Variants in PKIG observed in about 807,000 individuals in gnomAD.
PKIG encodes the protein cAMP-dependent protein kinase inhibitor gamma.
A neutral mutation model predicts 6.8 loss-of-function variants in PKIG; 1 was observed. The ratio of observed to expected loss-of-function variants is 0.15; its 90% confidence interval spans 0.05 to 0.69. The LOEUF (loss-of-function observed/expected upper bound fraction) is 0.69. Ranked by LOEUF, PKIG falls within the 30% of genes least tolerant of loss-of-function variation. PKIG has a pLI of 0.82. For synonymous variants in PKIG, 39 were observed against 43.0 expected (o/e 0.91, Z 0.36); for missense variants, 77 against 104.0 (o/e 0.74, Z 1.13).
chr20:44,575,354 G>A (rs1219105284), intron 1 of PKIG, among the ~76,000 whole-genome samples: 2 of 152,186 alleles, frequency 1.3e-5, no homozygotes, highest in Non-Finnish European at 2.9e-5. Flanking sequence ...GAGTAGCTGA[G>A]ATTACAGGCA....
upstream of PKIG, among the ~76,000 whole-genome samples, chr20:44,580,521 G>T (rs6031661): frequency 0.07 from 10,625 of 151,726 alleles, 406 homozygotes; most frequent in South Asian, 0.15. Flanking sequence ...AATTTTTTTT[G>T]TATTTTAGTA....
At chr20:44,570,272 G>A (rs1031601833) in intron 1 of PKIG, among the ~76,000 whole-genome samples, 1 of 152,108 alleles carries the variant, frequency 6.6e-6, no homozygotes, top group Non-Finnish European at 1.5e-5. Context: ...TGGCTAACTG[G>A]TGACTTGCCT....
chr20:44,597,386 T>A (rs2065084034), intron 2 of PKIG, among the ~76,000 whole-genome samples: 1 of 152,188 alleles, frequency 6.6e-6, no homozygotes. Context: ...GCTCCCTAAC[T>A]AGACCATGGA....
rs149854593 is a variant in PKIG, at chr20:44,547,560, C to T, written c.-241+15582C>T. 3.9e-4 allele frequency among the ~76,000 whole-genome samples: 59 copies of T among 152,240 alleles called. 2 individuals carry two copies. The South Asian group carries it at 4.8e-3, about 12-fold the overall frequency. On this transcript the variant is annotated intron_variant, in intron 1 of 4. Coordinates refer to the PKIG transcript ENST00000372887. ...AGTTGACATAGGAAAGTGGGAAGAACAATGCCTCACACATGGTGAGTACAG... is the reference window on the plus strand; with the variant it reads ...AGTTGACATAGGAAAGTGGGAAGAATAATGCCTCACACATGGTGAGTACAG...
chr20:44,543,683 T>TG (rs2064583215), intron 1 of PKIG, among the ~76,000 whole-genome samples: 2 of 152,216 alleles, frequency 1.3e-5, no homozygotes, highest in Non-Finnish European at 2.9e-5. Flanking sequence ...ATTGGCTTCT[T>TG]CCTCAGGCTA....
At chr20:44,570,435 G>A (rs140538926) in intron 1 of PKIG, among the ~76,000 whole-genome samples, 36 of 152,268 alleles carry the variant, frequency 2.4e-4, no homozygotes, top group African/African-American at 7.2e-4. Context: ...TTAAACTTTT[G>A]TATCATCCTG....
intron 1 of PKIG, among the ~76,000 whole-genome samples, chr20:44,569,089 C>T (rs1238798095): frequency 6.6e-6 from 1 of 152,200 alleles, no homozygotes; most frequent in Non-Finnish European, 1.5e-5. Context: ...AGAGAGGTCC[C>T]ATGTCCCCCC....
At chr20:44,602,405 T>G (rs1197370530) in intron 2 of PKIG, among the ~76,000 whole-genome samples, 1 of 152,248 alleles carries the variant, frequency 6.6e-6, no homozygotes, top group Admixed American at 6.5e-5. Flanking sequence ...ATTCATTTAC[T>G]TGTGCAGTGC....
chr20:44,549,409 A>T (rs1376786886), intron 1 of PKIG, among the ~76,000 whole-genome samples: 1 of 151,940 alleles, frequency 6.6e-6, no homozygotes, highest in Non-Finnish European at 1.5e-5. Flanking sequence ...TTTTTTCTGG[A>T]TTATTTTTCT....
intron 1 of PKIG, among the ~76,000 whole-genome samples, chr20:44,583,956 TGAA>T (rs1319421362): frequency 2.0e-5 from 3 of 152,084 alleles, no homozygotes; most frequent in African/African-American, 7.2e-5. Flanking sequence ...TAGGTGTTCT[TGAA>T]GAAAGAGAAA....
At chr20:44,617,058 A>G (rs1007188946) in intron 3 of PKIG, among the ~76,000 whole-genome samples, 1 of 152,218 alleles carries the variant, frequency 6.6e-6, no homozygotes, top group African/African-American at 2.4e-5. Context: ...CAGGCAAATC[A>G]GCTCACCTCG....
intron 1 of PKIG, among the ~76,000 whole-genome samples, chr20:44,547,874 C>T (rs1012642845): frequency 2.6e-5 from 4 of 151,842 alleles, no homozygotes; most frequent in African/African-American, 9.7e-5. Context: ...TAATGGAGAA[C>T]CCTGTTCTCC....
At position 44,614,574 on chromosome 20, in the gene PKIG, C is replaced by T; in HGVS notation, c.18C>T (p.Ser6=). The T allele has an allele frequency of 6.2e-7, 1 of 1,614,126 alleles. No individual in the cohort carries two copies. The highest frequency in any genetic ancestry group is 1.1e-5 in the South Asian group (1 of 91,088). The part of the protein sequence containing the change: MMEVE[S]SYSDFISCDR... ...CGACAGGCATGATGGAGGTCGAGTC[C>T]TCCTACTCGGACTTCATCTCCTGTG... is the stretch of plus-strand genomic sequence containing the variant. Residue 6 remains serine, a synonymous_variant, in exon 3 of 4, where the codon TCC becomes TCT. Transcript: ENST00000372886. This position sits in a 1 kb window ranked among gnomAD's most constrained non-coding sequence, Gnocchi z 4.6.
chr20:44,611,520 C>CTTTTTTTTTTT (rs1330858238), intron 2 of PKIG, among the ~76,000 whole-genome samples: 1 of 141,484 alleles, frequency 7.1e-6, no homozygotes, highest in Non-Finnish European at 1.6e-5. Flanking sequence ...TCTATATCAA[C>CTTTTTTTTTTT]TTTTTTTTTT....
At chr20:44,593,591 G>A (rs920441011) in intron 2 of PKIG, among the ~76,000 whole-genome samples, 1 of 152,162 alleles carries the variant, frequency 6.6e-6, no homozygotes, top group Non-Finnish European at 1.5e-5. Flanking sequence ...GGTTTCCAGA[G>A]AGAGTAGAAG....
chr20:44,543,990 G>A (rs532346164), intron 1 of PKIG, among the ~76,000 whole-genome samples: 1 of 151,874 alleles, frequency 6.6e-6, no homozygotes, highest in South Asian at 2.1e-4. Context: ...CTTGAACCTG[G>A]GAGGTGGAGG....
intron 1 of PKIG, among the ~76,000 whole-genome samples, chr20:44,554,585 G>A (rs1419500312): frequency 6.6e-6 from 1 of 152,046 alleles, no homozygotes; most frequent in Non-Finnish European, 1.5e-5. Flanking sequence ...GGGGTGAGGG[G>A]GTGGCAAGTA....
At chr20:44,535,500 G>A (rs2064504358) in intron 1 of PKIG, among the ~76,000 whole-genome samples, 1 of 152,158 alleles carries the variant, frequency 6.6e-6, no homozygotes, top group South Asian at 2.1e-4. Flanking sequence ...AATTAGCTGG[G>A]TGTAGTGGTG....
At chr20:44,558,530 C>T (rs2064734915) in intron 1 of PKIG, among the ~76,000 whole-genome samples, 1 of 151,068 alleles carries the variant, frequency 6.6e-6, no homozygotes, top group Admixed American at 6.6e-5. Flanking sequence ...CTACTGCCAA[C>T]ACTCCAGTCC....
Sources: allele counts gnomAD v4.1 joint callset (sites outside exome capture counted in the v4.1 genomes callset), GRCh38; gene constraint gnomAD v4.1.1; non-coding constraint Gnocchi (gnomAD v3.1); transcripts MANE v1.5; gene names NCBI Gene and HGNC (gene_info 2026-07-23, HGNC 2026-07-21).